The following RARB variants were observed in gnomAD, a reference collection of about 807,000 sequenced individuals.
The protein encoded by RARB is retinoic acid receptor beta, also known as HBV-activated protein.
In RARB, 17 loss-of-function variants were observed where a neutral mutation model predicts 51.9. The ratio of observed to expected loss-of-function variants is 0.33; its 90% confidence interval spans 0.22 to 0.49. RARB has a LOEUF of 0.49. Among genes scored for constraint, RARB ranks in the 20% least tolerant of loss-of-function variants. RARB has a pLI of 0.99. For missense variants in RARB, 369 were observed against 550.8 expected, an observed-to-expected ratio of 0.67 and a Z score of 3.30; for synonymous variants, 215 against 195.4, an observed-to-expected ratio of 1.10 and a Z score of -0.84.
At chr3:25,559,930 C>T (rs981665584) in intron 3 of RARB, among the ~76,000 whole-genome samples, 1 of 152,104 alleles carries the variant, frequency 6.6e-6, no homozygotes, top group South Asian at 2.1e-4. Context: ...GCAATTCTTT[C>T]TTGGATGTCT....
intron 5 of RARB, among the ~76,000 whole-genome samples, chr3:25,267,219 G>A (rs1259077103): frequency 6.6e-6 from 1 of 152,192 alleles, no homozygotes; most frequent in East Asian, 1.9e-4. Flanking sequence ...TGTTTACTAA[G>A]CACCTTCATT....
intron 2 of RARB, among the ~76,000 whole-genome samples, chr3:24,871,387 C>T (rs988764691): frequency 2.6e-5 from 4 of 152,130 alleles, no homozygotes; most frequent in Admixed American, 1.3e-4. Flanking sequence ...CTCTGACAAA[C>T]GTCGTTAGTC....
chr3:25,380,515 A>G (rs1225413118), intron 5 of RARB, among the ~76,000 whole-genome samples: 2 of 152,120 alleles, frequency 1.3e-5, no homozygotes, highest in East Asian at 1.9e-4. Flanking sequence ...TTTCCTTCCT[A>G]TTGAATTATT....
intron 2 of RARB, among the ~76,000 whole-genome samples, chr3:25,028,698 C>CAG (rs941954742): frequency 1.3e-5 from 2 of 152,092 alleles, no homozygotes; most frequent in African/African-American, 2.4e-5. Flanking sequence ...GAGCCATGTA[C>CAG]AGAGAAGTAA....
chr3:24,875,265 A>T (rs1230661741), intron 2 of RARB, among the ~76,000 whole-genome samples: 1 of 152,164 alleles, frequency 6.6e-6, no homozygotes, highest in Non-Finnish European at 1.5e-5. Context: ...TATATCTAGG[A>T]AATCTCTGCT....
intron 2 of RARB, among the ~76,000 whole-genome samples, chr3:24,964,060 GT>G (rs2125413299): frequency 6.6e-6 from 1 of 152,050 alleles, no homozygotes; most frequent in African/African-American, 2.4e-5. Flanking sequence ...CATTCTCCTT[GT>G]TTTTCTTCTG....
At chr3:25,352,905 C>T (rs1265598115) in intron 5 of RARB, among the ~76,000 whole-genome samples, 1 of 152,186 alleles carries the variant, frequency 6.6e-6, no homozygotes, top group Non-Finnish European at 1.5e-5. Context: ...TGGACATTCA[C>T]TTCTCAAAGA....
chr3:25,177,597 A>G (rs1424256870), intron 5 of RARB, among the ~76,000 whole-genome samples: 2 of 152,234 alleles, frequency 1.3e-5, no homozygotes, highest in African/African-American at 2.4e-5. Flanking sequence ...TAAAGGCTCA[A>G]TAATTCTCTA....
chr3:25,577,634 C>G (rs1284276760), intron 4 of RARB, among the ~76,000 whole-genome samples: 1 of 152,088 alleles, frequency 6.6e-6, no homozygotes, highest in African/African-American at 2.4e-5. Context: ...ACTGTAATAC[C>G]CAGGAGCTGC....
chr3:25,449,290 A>G, intron 1 of RARB, among the ~76,000 whole-genome samples: 1 of 151,980 alleles, frequency 6.6e-6, no homozygotes, highest in Admixed American at 6.6e-5. Context: ...GAACATGCAG[A>G]AGGGGTTAGT....
intron 2 of RARB, among the ~76,000 whole-genome samples, chr3:25,473,995 G>A (rs1695837356): frequency 1.3e-5 from 2 of 150,860 alleles, no homozygotes; most frequent in South Asian, 4.2e-4. Context: ...GGTTCTGTGA[G>A]CCTTAAAATA....
At chr3:24,976,492 G>C (rs561566694) in intron 2 of RARB, among the ~76,000 whole-genome samples, 2 of 152,126 alleles carry the variant, frequency 1.3e-5, no homozygotes, top group African/African-American at 4.8e-5. Context: ...TCTCATTGTG[G>C]TTTTGATTTG....
intron 2 of RARB, among the ~76,000 whole-genome samples, chr3:25,481,529 T>G (rs1267905448): frequency 6.6e-6 from 1 of 152,252 alleles, no homozygotes; most frequent in Non-Finnish European, 1.5e-5. Context: ...CTGTTAGAAT[T>G]AACAGATTGT....
intron 3 of RARB, among the ~76,000 whole-genome samples, chr3:25,549,120 C>T (rs1391640768): frequency 6.6e-6 from 1 of 151,770 alleles, no homozygotes; most frequent in Non-Finnish European, 1.5e-5. Flanking sequence ...GGTATCAAAA[C>T]CTGGTGGCCT....
intron 5 of RARB, among the ~76,000 whole-genome samples, chr3:25,401,716 A>G (rs1707268284): frequency 1.3e-5 from 2 of 152,214 alleles, no homozygotes; most frequent in South Asian, 4.1e-4. Context: ...TTCAGACGGA[A>G]GCACAAACAG....
chr3:25,157,157 C>A (rs568367975), intron 4 of RARB, among the ~76,000 whole-genome samples: 13 of 152,294 alleles, frequency 8.5e-5, no homozygotes, highest in African/African-American at 3.1e-4. Flanking sequence ...AATAAGGTAT[C>A]TGTTCAAAAC....
At chr3:25,489,039 A>G (rs892913339) in intron 2 of RARB, among the ~76,000 whole-genome samples, 1 of 152,232 alleles carries the variant, frequency 6.6e-6, no homozygotes, top group African/African-American at 2.4e-5. Context: ...GTTCTGTTAA[A>G]TGTTCTCCTA....
intron 3 of RARB, among the ~76,000 whole-genome samples, chr3:25,082,416 G>T (rs939363685): frequency 6.6e-6 from 1 of 151,568 alleles, no homozygotes; most frequent in Non-Finnish European, 1.5e-5. Flanking sequence ...TTTTCTCTAA[G>T]TTCAGTAATT....
chr3:24,897,731 A>G (rs905097369), intron 2 of RARB, among the ~76,000 whole-genome samples: 1 of 147,768 alleles, frequency 6.8e-6, no homozygotes, highest in Admixed American at 6.8e-5. Context: ...AGTATTTTCC[A>G]TAGAACACAA....
Sources: allele counts gnomAD v4.1 joint callset (sites outside exome capture counted in the v4.1 genomes callset), GRCh38; gene constraint gnomAD v4.1.1; transcripts MANE v1.5; gene names NCBI Gene and HGNC (gene_info 2026-07-23, HGNC 2026-07-21).